The following MAP2 variants were observed in gnomAD, a reference collection of about 807,000 sequenced individuals.
MAP2 encodes microtubule-associated protein 2.
In MAP2, 14 loss-of-function variants were observed where a neutral mutation model predicts 137.6. The ratio of observed to expected loss-of-function variants is 0.10; its 90% CI spans 0.07 to 0.16. MAP2 has a LOEUF of 0.16. MAP2 is among the 10% of genes least tolerant of loss of function. The pLI, the probability that MAP2 is intolerant of heterozygous loss-of-function variation, is 1.00. For synonymous variants in MAP2, 786 were observed against 782.3 expected, an observed-to-expected ratio of 1.00 and a Z score of -0.08; for missense variants, 2,088 against 2,191.5, an observed-to-expected ratio of 0.95 and a Z score of 0.94.
intron 3 of MAP2, among the ~76,000 whole-genome samples, chr2:209,616,010 C>G (rs753977527): frequency 1.3e-5 from 2 of 152,192 alleles, no homozygotes; most frequent in Non-Finnish European, 2.9e-5. Context: ...GGCACCATTT[C>G]TCCCCTATCC....
chr2:209,703,215 A>G (rs2062292607), intron 11 of MAP2, among the ~76,000 whole-genome samples: 1 of 152,150 alleles, frequency 6.6e-6, no homozygotes, highest in Admixed American at 6.6e-5. Flanking sequence ...AATCCACAGT[A>G]TGTGTTTCAC....
intron 1 of MAP2, among the ~76,000 whole-genome samples, chr2:209,460,723 T>C (rs1702571402): frequency 6.6e-6 from 1 of 152,090 alleles, no homozygotes; most frequent in African/African-American, 2.4e-5. Flanking sequence ...AATCTTACTT[T>C]GTGGGTAATT....
At chr2:209,576,404 C>T (rs2075380574) in intron 2 of MAP2, among the ~76,000 whole-genome samples, 1 of 151,776 alleles carries the variant, frequency 6.6e-6, no homozygotes, top group African/African-American at 2.4e-5. Context: ...CCACCACACC[C>T]AGCTAATTTT....
At chr2:209,560,780 C>G (rs114773824) in intron 2 of MAP2, among the ~76,000 whole-genome samples, 1,612 of 152,162 alleles carry the variant, frequency 0.011, 27 homozygotes, top group African/African-American at 0.037. Flanking sequence ...ACCTATTTGA[C>G]TATGATTTCA....
intron 2 of MAP2, among the ~76,000 whole-genome samples, chr2:209,557,435 A>G (rs1559317088): frequency 6.6e-6 from 1 of 152,176 alleles, no homozygotes; most frequent in Non-Finnish European, 1.5e-5. Flanking sequence ...TTCCCTGTTT[A>G]AGCTGCTACA....
intron 3 of MAP2, among the ~76,000 whole-genome samples, chr2:209,614,144 T>G (rs998893977): frequency 6.6e-5 from 10 of 151,976 alleles, no homozygotes; most frequent in African/African-American, 2.2e-4. Context: ...CTGTGTTGAT[T>G]TCTGCACTCC....
Position 209,716,802 on chromosome 2 carries a change from T to G in MAP2, c.5073+6548T>G, listed in dbSNP as rs186996905. Reference sequence around the variant, plus strand: ...GCTTGTTTTTGTATATAGCACCATTTCATTTAAATAGACTCTTAAATCATT... The same window carrying G: ...GCTTGTTTTTGTATATAGCACCATTGCATTTAAATAGACTCTTAAATCATT... On this transcript the variant is annotated intron_variant, in intron 13 of 15. Transcript: ENST00000682079. Among the ~76,000 whole-genome samples, 190 of 152,322 alleles carry G rather than the reference T, an allele frequency of 1.2e-3. 4 individuals are homozygous for G. Among genetic ancestry groups the G allele is most frequent in the Non-Finnish European group, 1.6e-4 (11 of 68,022 alleles).
At chr2:209,496,426 T>C (rs995832823) in intron 1 of MAP2, among the ~76,000 whole-genome samples, 2 of 152,248 alleles carry the variant, frequency 1.3e-5, no homozygotes, top group African/African-American at 4.8e-5. Context: ...CTTAATTCTA[T>C]GTTTTGGAAC....
At chr2:209,582,610 A>G (rs1209553780) in intron 3 of MAP2, among the ~76,000 whole-genome samples, 1 of 151,992 alleles carries the variant, frequency 6.6e-6, no homozygotes, top group East Asian at 1.9e-4. Flanking sequence ...CATACTTACC[A>G]GTCCATAATG....
intron 13 of MAP2, among the ~76,000 whole-genome samples, chr2:209,724,583 AAG>A (rs145497846): frequency 0.11 from 15,835 of 147,364 alleles, 909 homozygotes; most frequent in East Asian, 0.23. Context: ...TCAAGCAGTG[AAG>A]AGAGAGAGAG....
chr2:209,631,228 A>G (rs900920762), intron 4 of MAP2, among the ~76,000 whole-genome samples: 1 of 152,082 alleles, frequency 6.6e-6, no homozygotes, highest in Non-Finnish European at 1.5e-5. Context: ...TTGATGCAAT[A>G]TGAAAAATGT....
intron 2 of MAP2, among the ~76,000 whole-genome samples, chr2:209,573,298 G>GGTTTTTTTTT (rs770132978): frequency 8.3e-6 from 1 of 120,070 alleles, no homozygotes; most frequent in African/African-American, 3.3e-5. Flanking sequence ...TTCTTTTTCT[G>GGTTTTTTTTT]TTTTTTTTTT....
rs58339476 is a variant in MAP2 at position 209,434,863 on chromosome 2, TTA to T, written c.-222+10595_-222+10596del. 1.4e-4 allele frequency among the ~76,000 whole-genome samples: 14 copies of T among 96,566 alleles called. 1 individual carries two copies. The highest frequency in any genetic ancestry group is 7.6e-4 in the East Asian group (3 of 3,946). 63.4% of individuals were successfully genotyped at this position (96,566 alleles called of 152,430 possible). ...TATATATATATGTTATATATATATG[TTA>T]TATATATGTTATATATATGTTATAT... is the stretch of plus-strand genomic sequence containing the variant. On this transcript the variant is annotated intron_variant, in intron 1 of 15. Transcript: ENST00000682079.
At chr2:209,460,041 G>A (rs771056817) in intron 1 of MAP2, among the ~76,000 whole-genome samples, 1 of 152,136 alleles carries the variant, frequency 6.6e-6, no homozygotes, top group African/African-American at 2.4e-5. Flanking sequence ...AATACTTGGA[G>A]ATTCAGCTAA....
chr2:209,653,389 T>C lies in MAP2; in HGVS notation c.219T>C (p.Asn73=), dbSNP rs1200371030. 6.2e-7 allele frequency: 1 copy of C among 1,613,144 alleles called. No individual in the cohort carries two copies. The highest frequency in any genetic ancestry group is 1.3e-5 in the African/African-American group (1 of 74,880). ...GCACCTATTCAAATACCAAAGAGAA[T>C]GGGATCAACGGAGAGCTGACCTCAG... ...SQGTYSNTKE[N]GINGELTSAD... Residue 73 remains asparagine, a synonymous_variant, in exon 5 of 16, where the codon AAT becomes AAC. Coordinates refer to ENST00000682079, the MANE Select transcript of MAP2 (RefSeq NM_001375505.1).
chr2:209,504,424 T>A (rs1285159032), intron 1 of MAP2, among the ~76,000 whole-genome samples: 1 of 152,186 alleles, frequency 6.6e-6, no homozygotes, highest in Non-Finnish European at 1.5e-5. Context: ...GTAGCTATAG[T>A]CAAATGATAA....
At chr2:209,616,373 A>G (rs1478959938) in intron 3 of MAP2, among the ~76,000 whole-genome samples, 1 of 152,178 alleles carries the variant, frequency 6.6e-6, no homozygotes, top group East Asian at 1.9e-4. Context: ...TTCAGCTTCT[A>G]TATCTAAAGT....
intron 1 of MAP2, among the ~76,000 whole-genome samples, chr2:209,427,027 C>G (rs1253244925): frequency 3.9e-5 from 6 of 152,142 alleles, no homozygotes; most frequent in Non-Finnish European, 1.5e-5. Context: ...GCACTGTTGG[C>G]ATTTTAAAAA....
At chr2:209,448,049 G>A (rs903176129) in intron 1 of MAP2, among the ~76,000 whole-genome samples, 5 of 152,070 alleles carry the variant, frequency 3.3e-5, no homozygotes, top group African/African-American at 1.2e-4. Context: ...GCACACAAAA[G>A]TTTTGAAAGC....
Sources: allele counts gnomAD v4.1 joint callset (sites outside exome capture counted in the v4.1 genomes callset), GRCh38; gene constraint gnomAD v4.1.1; transcripts MANE v1.5; gene names NCBI Gene and HGNC (gene_info 2026-07-23, HGNC 2026-07-21).